STAU2: variants seen among roughly 807,000 people sequenced by gnomAD.
STAU2 encodes the protein double-stranded RNA-binding protein Staufen homolog 2.
Under a neutral mutation model 65.9 loss-of-function variants are expected in STAU2, and 20 were observed. That is an observed-to-expected ratio of 0.30 (90% CI 0.21 to 0.44). STAU2 has a LOEUF of 0.44. Among genes scored for constraint, STAU2 ranks in the 20% least tolerant of loss-of-function variants. STAU2 has a pLI of 1.00. For missense variants in STAU2, 558 were observed against 683.9 expected (o/e 0.82, Z 2.05); for synonymous variants, 232 against 233.9 (o/e 0.99, Z 0.07).
chr8:73,727,489 G>T (rs943674523), intron 3 of STAU2, among the ~76,000 whole-genome samples: 7 of 152,178 alleles, frequency 4.6e-5, no homozygotes, highest in African/African-American at 1.7e-4. Flanking sequence ...CCATTTGTGT[G>T]TGTCTTCTTT....
chr8:73,688,889 T>C, intron 4 of STAU2, 76 bp from the exon 5 acceptor site: 2 of 1,531,852 alleles, frequency 1.3e-6, no homozygotes, highest in East Asian at 2.3e-5. Context: ...GAGAGAAAAA[T>C]AAACATCATA....
intron 3 of STAU2, among the ~76,000 whole-genome samples, chr8:73,711,207 C>T (rs549463789): frequency 7.2e-6 from 1 of 138,954 alleles, no homozygotes; most frequent in East Asian, 2.2e-4. Flanking sequence ...AAAGTCAAGA[C>T]AGTTTTGAGA....
At chr8:73,687,059 A>AT (rs1818897364) in intron 5 of STAU2, among the ~76,000 whole-genome samples, 1 of 147,990 alleles carries the variant, frequency 6.8e-6, no homozygotes, top group Non-Finnish European at 1.5e-5. Flanking sequence ...TGCCCAGCCA[A>AT]TTTTTGTATT....
At chr8:73,566,836 A>G (rs1808648631) in intron 12 of STAU2, among the ~76,000 whole-genome samples, 1 of 152,220 alleles carries the variant, frequency 6.6e-6, no homozygotes, top group African/African-American at 2.4e-5. Context: ...TGTCTTTCAG[A>G]CAGACTGCAT....
chr8:73,647,746 T>C (rs1815500164), intron 6 of STAU2, among the ~76,000 whole-genome samples: 1 of 152,016 alleles, frequency 6.6e-6, no homozygotes, highest in Non-Finnish European at 1.5e-5. Flanking sequence ...GTCTGGCTAA[T>C]TTATTTTTAT....
intron 3 of STAU2, among the ~76,000 whole-genome samples, chr8:73,717,380 C>G (rs1821323944): frequency 6.6e-6 from 1 of 151,836 alleles, no homozygotes; most frequent in Admixed American, 6.5e-5. Flanking sequence ...TGTTTTCTTC[C>G]ACGAACATTA....
chr8:73,651,553 C>A lies in STAU2; in HGVS notation c.410+21554G>T, dbSNP rs894358315. ...CTTCTGGCCTTGCCAATGGCCTGCACCTGCTGTGCCCTTGGGCACCCCTGC... is the reference window on the plus strand; with the variant it reads ...CTTCTGGCCTTGCCAATGGCCTGCAACTGCTGTGCCCTTGGGCACCCCTGC... On this transcript the variant is annotated intron_variant, in intron 6 of 14. Transcript: ENST00000524300. 9.5e-6 allele frequency: 8 copies of A among 843,820 alleles called. No homozygotes were observed. The African/African-American group carries it at 1.2e-4, about 12-fold the overall frequency. The allele number at this position is 843,820 out of a possible 1,614,324, so 52.3% of individuals were successfully genotyped here.
intron 11 of STAU2, chr8:73,590,536 G>A (rs897950937): frequency 1.3e-5 from 2 of 152,138 alleles, no homozygotes; most frequent in African/African-American, 4.8e-5. Context: ...AAAAAATAAC[G>A]TGAAATTTTC....
At chr8:73,667,802 G>A (rs1817345622) in intron 6 of STAU2, among the ~76,000 whole-genome samples, 1 of 152,174 alleles carries the variant, frequency 6.6e-6, no homozygotes, top group South Asian at 2.1e-4. Context: ...TCCTTCATTT[G>A]CTATTACTAT....
At chr8:73,465,730 T>C (rs899929078) in intron 13 of STAU2, among the ~76,000 whole-genome samples, 3 of 152,244 alleles carry the variant, frequency 2.0e-5, no homozygotes, top group African/African-American at 4.8e-5. Flanking sequence ...ATTGCTTGAT[T>C]AGACCATACA....
At chr8:73,438,527 G>A (rs1282079756) in intron 13 of STAU2, among the ~76,000 whole-genome samples, 1 of 152,244 alleles carries the variant, frequency 6.6e-6, no homozygotes, top group Non-Finnish European at 1.5e-5. Flanking sequence ...AGGACACCGT[G>A]AGTGTCCCAG....
At chr8:73,569,595 C>T (rs1808885081) in intron 12 of STAU2, among the ~76,000 whole-genome samples, 1 of 151,488 alleles carries the variant, frequency 6.6e-6, no homozygotes, top group Admixed American at 6.6e-5. Flanking sequence ...AGCTGGGTGC[C>T]CCTCTGAGAC....
At chr8:73,669,171 G>C in intron 6 of STAU2, 1 of 691,968 alleles carries the variant, frequency 1.4e-6, no homozygotes, top group South Asian at 1.5e-5. Context: ...TAATGGTTAG[G>C]TCTGCGCTTC....
At chr8:73,676,436 C>T (rs759887238) in intron 5 of STAU2, among the ~76,000 whole-genome samples, 10 of 152,124 alleles carry the variant, frequency 6.6e-5, no homozygotes, top group Non-Finnish European at 1.5e-4. Context: ...TAGATCTAAA[C>T]TGTAAAGATC....
intron 13 of STAU2, among the ~76,000 whole-genome samples, chr8:73,425,216 G>A (rs951649599): frequency 1.3e-5 from 2 of 152,168 alleles, no homozygotes; most frequent in Non-Finnish European, 2.9e-5. Context: ...AATAGGATTA[G>A]TACAGATGTA....
At chr8:73,721,202 AT>A (rs1821644384) in intron 3 of STAU2, among the ~76,000 whole-genome samples, 1 of 135,552 alleles carries the variant, frequency 7.4e-6, no homozygotes, top group Non-Finnish European at 1.5e-5. Context: ...AAATGGGAGG[AT>A]TGTTTGAGCC....
intron 13 of STAU2, among the ~76,000 whole-genome samples, chr8:73,463,974 C>A (rs770740211): frequency 2.6e-5 from 4 of 152,158 alleles, no homozygotes; most frequent in Admixed American, 6.5e-5. Flanking sequence ...CATCATAATT[C>A]TTCTCACTGA....
chr8:73,728,446 C>T (rs1436161594), intron 3 of STAU2, among the ~76,000 whole-genome samples: 2 of 128,418 alleles, frequency 1.6e-5, no homozygotes, highest in Non-Finnish European at 1.6e-5. Flanking sequence ...ATATGAGGAT[C>T]AGCTTTCCAA....
rs1264395713 is a variant in STAU2, at chr8:73,652,533, C to A, written c.410+20574G>T. ...ACCAGCCTGGCCAACATAGTGAAAC[C>A]CCATCTCTACTAAAAATACAAAAAA... On this transcript the variant is annotated intron_variant, in intron 6 of 14. Coordinates refer to ENST00000524300, the MANE Select transcript of STAU2 (RefSeq NM_001164380.2). 3.3e-5 allele frequency: 5 copies of A among 151,864 alleles called. No individual in the cohort carries two copies. The East Asian group carries it at 9.7e-4, about 29-fold the overall frequency. 9.4% of individuals were successfully genotyped at this position (151,864 alleles called of 1,614,324 possible).
Sources: gnomAD v4.1 joint callset for allele counts (sites outside exome capture counted in the v4.1 genomes callset) on GRCh38, gnomAD v4.1.1 for gene constraint, MANE v1.5 for transcripts, NCBI Gene and HGNC (gene_info 2026-07-23, HGNC 2026-07-21) for gene names.